SPAG1: variants seen among roughly 807,000 people sequenced by gnomAD.
SPAG1 encodes sperm-associated antigen 1.
A neutral mutation model predicts 100.5 loss-of-function variants in SPAG1; 69 were observed. The observed-to-expected ratio is 0.69, with a 90% CI of 0.57 to 0.84. SPAG1 has a LOEUF of 0.84. SPAG1 is among the 40% of genes least tolerant of loss of function. The probability of loss-of-function intolerance (pLI) is 0.00; values close to 1 mark genes in which losing one functional copy is unlikely to be tolerated. For missense variants in SPAG1, 955 were observed against 1,133.1 expected, an observed-to-expected ratio of 0.84 and a Z score of 2.26; for synonymous variants, 336 against 411.6, an observed-to-expected ratio of 0.82 and a Z score of 2.22.
rs1586569957 is a variant in SPAG1, at chr8:100,240,540, C to G, written c.2418C>G (p.Ala806=). The G allele has an allele frequency of 5.6e-6, 9 of 1,614,082 alleles. No individual in the cohort carries two copies. The highest frequency in any genetic ancestry group is 7.6e-6 in the Non-Finnish European group (9 of 1,180,000). The change falls in exon 18 of 19, where the codon GCC becomes GCG. Residue 806 remains alanine (A), a synonymous_variant. Transcript: ENST00000388798. ...TTCCGATAGCCAAGCCTAATAATGC[C>G]TATGAATTTGGTCAGATTATAAATG... ...EKLPIAKPNN[A]YEFGQIINAL...
chr8:100,238,405 C>T (rs1819105135), intron 16 of SPAG1, among the ~76,000 whole-genome samples: 1 of 152,182 alleles, frequency 6.6e-6, no homozygotes, highest in African/African-American at 2.4e-5. Context: ...CTTATCTGTG[C>T]TCAGCCTCTT....
intron 14 of SPAG1, 41 bp downstream of exon 14, chr8:100,225,380 G>C: frequency 1.1e-5 from 18 of 1,587,648 alleles, no homozygotes; most frequent in Non-Finnish European, 1.6e-5. Flanking sequence ...AGGTTACCTT[G>C]AGTTGTGTGT....
Position 100,240,644 on chromosome 8 carries a change from T to A in SPAG1, c.2522T>A (p.Leu841Ter), listed in dbSNP as rs1157558948. 1.9e-6 allele frequency: 3 copies of A among 1,614,110 alleles called. No homozygotes were observed. Among genetic ancestry groups the A allele is most frequent in the African/African-American group, 1.3e-5 (1 of 74,952 alleles). ...ITAPKDLPMF[L>*]SNKLEGDTFL... ...GCACCAAAAGATTTGCCGATGTTTTTAAGTAACAAACTTGAAGGGGATACA... is the reference window on the plus strand; with the variant it reads ...GCACCAAAAGATTTGCCGATGTTTTAAAGTAACAAACTTGAAGGGGATACA... The change falls in exon 18 of 19, where the codon TTA (leucine) becomes TAA (stop). Residue 841 changes from leucine to a stop codon, truncating the protein, a stop_gained. Transcript: ENST00000388798. LOFTEE classifies it high-confidence loss of function.
intron 4 of SPAG1, among the ~76,000 whole-genome samples, chr8:100,183,130 GC>G (rs1361545841): frequency 1.3e-5 from 2 of 151,954 alleles, no homozygotes; most frequent in African/African-American, 4.8e-5. Flanking sequence ...GCGCCACCAT[GC>G]CCAGCTAATT....
chr8:100,224,029 T>C (rs1818396937), intron 13 of SPAG1, among the ~76,000 whole-genome samples: 1 of 152,184 alleles, frequency 6.6e-6, no homozygotes. Context: ...AGTAAACCAA[T>C]TCAGTCTTAG....
At chr8:100,222,304 T>C (rs1818320089) in intron 13 of SPAG1, among the ~76,000 whole-genome samples, 1 of 152,172 alleles carries the variant, frequency 6.6e-6, no homozygotes, top group Non-Finnish European at 1.5e-5. Flanking sequence ...GCTTCTATAT[T>C]GTTTTCACGT....
chr8:100,169,441 T>A (rs1383616160), intron 3 of SPAG1, among the ~76,000 whole-genome samples: 1 of 152,148 alleles, frequency 6.6e-6, no homozygotes, highest in African/African-American at 2.4e-5. Context: ...AAAAAATCTT[T>A]TTTAAAAAAT....
chr8:100,183,368 C>CT lies in SPAG1; in HGVS notation c.427-3dup, dbSNP rs1370870557. 7 of 1,226,028 alleles carry CT rather than the reference C, an allele frequency of 5.7e-6. No individual in the cohort carries two copies. The highest frequency in any genetic ancestry group is 8.3e-6 in the Non-Finnish European group (7 of 843,742). The allele number at this position is 1,226,028 out of a possible 1,614,324, so 75.9% of individuals were successfully genotyped here. ...ATGTCTCATAAAATATGATTTTATTCTTTTAGGAAAAATATTCTAAAAGAC... is the reference window on the plus strand; with the variant it reads ...ATGTCTCATAAAATATGATTTTATTCTTTTTAGGAAAAATATTCTAAAAGAC... On this transcript the variant is annotated splice_polypyrimidine_tract_variant and splice_region_variant and intron_variant, in intron 4 of 18. Coordinates refer to ENST00000388798, the MANE Select transcript of SPAG1 (RefSeq NM_003114.5).
At chr8:100,188,970 C>T (rs2132273258) in intron 8 of SPAG1, among the ~76,000 whole-genome samples, 1 of 152,248 alleles carries the variant, frequency 6.6e-6, no homozygotes, top group South Asian at 2.1e-4. Flanking sequence ...AAGGTTTTGC[C>T]AACCCCATAC....
At chr8:100,214,541 T>C (rs1032274152) in intron 12 of SPAG1, among the ~76,000 whole-genome samples, 13 of 152,184 alleles carry the variant, frequency 8.5e-5, no homozygotes, top group Non-Finnish European at 1.6e-4. Flanking sequence ...TGACACTCGG[T>C]CACACCTCTA....
chr8:100,170,691 T>C (rs911793083), intron 3 of SPAG1, among the ~76,000 whole-genome samples: 10 of 152,188 alleles, frequency 6.6e-5, no homozygotes, highest in Non-Finnish European at 5.9e-5. Flanking sequence ...GCAATTTTGT[T>C]AAATTCATGG....
At chr8:100,169,171 T>C (rs1455131100) in intron 3 of SPAG1, among the ~76,000 whole-genome samples, 3 of 152,246 alleles carry the variant, frequency 2.0e-5, no homozygotes, top group Non-Finnish European at 4.4e-5. Flanking sequence ...TAATCAGTTT[T>C]AATTTTTGTA....
chr8:100,196,355 C>A (rs1260325727), intron 10 of SPAG1, among the ~76,000 whole-genome samples: 1 of 152,156 alleles, frequency 6.6e-6, no homozygotes, highest in African/African-American at 2.4e-5. Flanking sequence ...TATGAGAGTT[C>A]TAGATGCTTC....
rs774485803 is a variant in SPAG1 at position 100,177,943 on chromosome 8, T to C, written c.426+2T>C. On this transcript the variant is annotated splice_donor_variant, in intron 4 of 18. Coordinates refer to ENST00000388798, the MANE Select transcript of SPAG1 (RefSeq NM_003114.5). LOFTEE classifies it high-confidence loss of function. ...AACAGCTGTCTTCATGTAGGCAAGG[T>C]AGGCTTCTTTGATATCTTTGTGGGT... 8.7e-6 allele frequency: 14 copies of C among 1,608,808 alleles called. 1 individual carries two copies. The South Asian group carries it at 1.5e-4, about 18-fold the overall frequency.
rs747701092 is a variant in SPAG1, at chr8:100,165,254, C to T, written c.141-560C>T. On this transcript the variant is annotated intron_variant, in intron 2 of 18. Transcript: ENST00000388798. ...TTCCATCACGACTCTAGGAATAATT[C>T]GCAGTTCTGAACCATGTTTTAGAAA... The T allele has an allele frequency of 1.7e-4, 88 of 522,262 alleles. No individual in the cohort carries two copies. In the Middle Eastern group the frequency reaches 2.6e-3, roughly 16 times the overall value. 32.4% of individuals were successfully genotyped at this position (522,262 alleles called of 1,614,324 possible).
chr8:100,201,897 G>C (rs1817291694), intron 10 of SPAG1, among the ~76,000 whole-genome samples: 1 of 152,158 alleles, frequency 6.6e-6, no homozygotes, highest in Non-Finnish European at 1.5e-5. Flanking sequence ...TTTGTAATAA[G>C]CCATTAAACA....
chr8:100,213,760 T>C, intron 11 of SPAG1, 59 bp from the exon 12 acceptor site: 1 of 1,098,808 alleles, frequency 9.1e-7, no homozygotes, highest in South Asian at 1.3e-5. Flanking sequence ...CTTGTAATTC[T>C]GGTGAACTGT....
Position 100,225,267 on chromosome 8 carries a change from T to G in SPAG1, c.1783T>G (p.Trp595Gly). 3 of 1,613,894 alleles carry G rather than the reference T, an allele frequency of 1.9e-6. No homozygotes were observed. Among genetic ancestry groups the G allele is most frequent in the Non-Finnish European group, 2.5e-6 (3 of 1,179,966 alleles). ...AVPASVPLQA[W>G]HPAKEMISKQ... ...GCCTGCTTCTGTGCCACTGCAAGCT[T>G]GGCATCCGGCAAAAGAGATGATCTC... Residue 595 changes from tryptophan to glycine, a missense_variant, in exon 14 of 19, where the codon TGG becomes GGG. Coordinates refer to ENST00000388798, the MANE Select transcript of SPAG1 (RefSeq NM_003114.5).
chr8:100,177,798 C>A lies in SPAG1; in HGVS notation c.301-18C>A, dbSNP rs1311771023. The A allele has an allele frequency of 2.2e-6, 3 of 1,384,582 alleles. No homozygotes were observed. Among genetic ancestry groups the A allele is most frequent in the South Asian group, 2.4e-5 (2 of 81,742 alleles). The allele number at this position is 1,384,582 out of a possible 1,614,324, so 85.8% of individuals were successfully genotyped here. Reference sequence around the variant, plus strand: ...TAATTATTTCAAACTATATATTTACCCTTTTCTCTATTCTCAGAGTTGGGT... The same window carrying A: ...TAATTATTTCAAACTATATATTTACACTTTTCTCTATTCTCAGAGTTGGGT... On this transcript the variant is annotated intron_variant, in intron 3 of 18. Coordinates refer to ENST00000388798, the MANE Select transcript of SPAG1 (RefSeq NM_003114.5).
Sources: allele counts gnomAD v4.1 joint callset (sites outside exome capture counted in the v4.1 genomes callset), GRCh38; gene constraint gnomAD v4.1.1; transcripts MANE v1.5; gene names NCBI Gene and HGNC (gene_info 2026-07-23, HGNC 2026-07-21).